DSCAM: variants seen among roughly 807,000 people sequenced by gnomAD.
DSCAM encodes cell adhesion molecule DSCAM.
In DSCAM, 47 loss-of-function variants were observed where a neutral mutation model predicts 217.7. The observed-to-expected ratio is 0.22, with a 90% CI of 0.17 to 0.28. The LOEUF is 0.28. Among genes scored for constraint, DSCAM ranks in the 10% least tolerant of loss-of-function variants. The pLI is 1.00. For missense variants in DSCAM, 2,080 were observed against 2,618.3 expected (o/e 0.79, Z 4.49); for synonymous variants, 1,056 against 1,015.3 (o/e 1.04, Z -0.76).
At chr21:40,095,196 G>T (rs11701562) in intron 20 of DSCAM, among the ~76,000 whole-genome samples, 74,515 of 152,006 alleles carry the variant, frequency 0.49, 19,121 homozygotes, top group African/African-American at 0.65. Context: ...TTATATCTCA[G>T]GAGACTTATT....
At chr21:40,634,624 A>G (rs893260903) in intron 3 of DSCAM, among the ~76,000 whole-genome samples, 2 of 152,238 alleles carry the variant, frequency 1.3e-5, no homozygotes, top group Non-Finnish European at 2.9e-5. Context: ...CAAATAAGCT[A>G]TCAGTAAAAC....
chr21:40,240,932 C>T (rs1334483350), intron 11 of DSCAM, among the ~76,000 whole-genome samples: 3 of 152,128 alleles, frequency 2.0e-5, no homozygotes, highest in Non-Finnish European at 4.4e-5. Context: ...ACTGGCTAAC[C>T]GTACGCAGAA....
intron 2 of DSCAM, among the ~76,000 whole-genome samples, chr21:40,706,050 G>A (rs1007768136): frequency 2.6e-5 from 4 of 151,922 alleles, no homozygotes; most frequent in Admixed American, 1.3e-4. Context: ...GTGTGGTGGC[G>A]GGTGCCTGTA....
chr21:40,550,623 C>T (rs531841193), intron 3 of DSCAM, among the ~76,000 whole-genome samples: 1 of 152,178 alleles, frequency 6.6e-6, no homozygotes, highest in Non-Finnish European at 1.5e-5. Flanking sequence ...CAAGGTATTC[C>T]GAACAAACAC....
Position 40,068,388 on chromosome 21 carries a change from AG to A in DSCAM, c.4889-5490del, listed in dbSNP as rs769516911. 3.9e-5 allele frequency among the ~76,000 whole-genome samples: 6 copies of A among 152,264 alleles called. No homozygotes were observed. The South Asian group carries it at 8.3e-4, about 21-fold the overall frequency. ...TGGAGAAAAGAATCAGAGAGACAGT[AG>A]GATGAAGATATGCAAGCTAGAAGGA... On this transcript the variant is annotated intron_variant, in intron 27 of 32. Transcript: ENST00000400454.
chr21:40,381,062 C>CAAAAAAAAAAAA (rs71186932), intron 3 of DSCAM, among the ~76,000 whole-genome samples: 8 of 66,210 alleles, frequency 1.2e-4, no homozygotes, highest in East Asian at 5.9e-4. Flanking sequence ...GACTCCGTCT[C>CAAAAAAAAAAAA]AAAAAAAAAA....
chr21:40,256,438 GACACAC>G (rs201126514), intron 11 of DSCAM, among the ~76,000 whole-genome samples: 1 of 143,852 alleles, frequency 7.0e-6, no homozygotes, highest in South Asian at 2.1e-4. Flanking sequence ...GAGAGAGAGA[GACACAC>G]ACAGACAGAC....
rs1485979542 is a variant in DSCAM, at chr21:40,080,335, T to G, written c.4237A>C (p.Ile1413Leu). The G allele has an allele frequency of 2.5e-6, 4 of 1,603,136 alleles. No individual in the cohort carries two copies. Among genetic ancestry groups the G allele is most frequent in the African/African-American group, 1.3e-5 (1 of 74,656 alleles). Residue 1413 changes from isoleucine to leucine, a missense_variant, in exon 25 of 33, where the codon ATA becomes CTA. Physicochemically the swap from Ile to Leu is conservative, Grantham distance 5. This residue lies in a region of DSCAM where 1,144 missense variants were observed against 1,421.1 expected (regional missense o/e 0.81). Coordinates refer to ENST00000400454, the MANE Select transcript of DSCAM (RefSeq NM_001389.5). ...DNGGSSIRGY[I>L]LQYSEDNSEQ... is the part of the protein sequence containing the mutation. ...CTATTGTCCTCGGAGTACTGCAGTATGTATCCTGCAGAGAATGAGAAAGAT... is the reference window on the plus strand; with the variant it reads ...CTATTGTCCTCGGAGTACTGCAGTAGGTATCCTGCAGAGAATGAGAAAGAT...
At chr21:40,594,952 G>A (rs960557329) in intron 3 of DSCAM, among the ~76,000 whole-genome samples, 2 of 152,156 alleles carry the variant, frequency 1.3e-5, no homozygotes, top group African/African-American at 4.8e-5. Flanking sequence ...GTAGGTATTG[G>A]GTGAGGTGAG....
chr21:40,129,470 G>A (rs1487725118), intron 19 of DSCAM, among the ~76,000 whole-genome samples: 1 of 152,144 alleles, frequency 6.6e-6, no homozygotes, highest in Admixed American at 6.5e-5. Flanking sequence ...TTGAAGCTGG[G>A]GTCAGGGAGA....
chr21:40,351,574 A>C (rs1178096925), intron 5 of DSCAM, among the ~76,000 whole-genome samples: 2 of 152,198 alleles, frequency 1.3e-5, no homozygotes, highest in Non-Finnish European at 2.9e-5. Flanking sequence ...ACAAGAAGAC[A>C]GTTCTGAATT....
At chr21:40,303,901 C>T (rs1469624401) in intron 9 of DSCAM, among the ~76,000 whole-genome samples, 1 of 152,192 alleles carries the variant, frequency 6.6e-6, no homozygotes, top group Admixed American at 6.5e-5. Flanking sequence ...GAGAAAACGG[C>T]CCTCCTTTGG....
At chr21:40,446,714 G>C (rs2075678002) in intron 3 of DSCAM, among the ~76,000 whole-genome samples, 1 of 152,050 alleles carries the variant, frequency 6.6e-6, no homozygotes, top group Admixed American at 6.5e-5. Flanking sequence ...TCCCCTCAAA[G>C]GAAATAATTC....
At chr21:40,254,297 A>G (rs1449626439) in intron 11 of DSCAM, among the ~76,000 whole-genome samples, 1 of 151,748 alleles carries the variant, frequency 6.6e-6, no homozygotes, top group African/African-American at 2.4e-5. Context: ...CACTCCAGGC[A>G]GGGGGAGGGT....
intron 3 of DSCAM, among the ~76,000 whole-genome samples, chr21:40,607,573 G>T (rs2089257542): frequency 6.8e-6 from 1 of 147,360 alleles, no homozygotes; most frequent in Non-Finnish European, 1.5e-5. Flanking sequence ...CACGTGTCAT[G>T]GGAGGGGCCC....
At chr21:40,616,639 C>G (rs991519635) in intron 3 of DSCAM, among the ~76,000 whole-genome samples, 2 of 152,136 alleles carry the variant, frequency 1.3e-5, no homozygotes, top group Admixed American at 1.3e-4. Context: ...CTTGCTGATG[C>G]CACTGCGTGT....
At chr21:40,333,144 T>A (rs1156621014) in intron 8 of DSCAM, among the ~76,000 whole-genome samples, 1 of 152,144 alleles carries the variant, frequency 6.6e-6, no homozygotes, top group South Asian at 2.1e-4. Flanking sequence ...TGCATTTACA[T>A]GAACAAAATA....
intron 3 of DSCAM, among the ~76,000 whole-genome samples, chr21:40,688,279 A>G (rs1219591338): frequency 1.3e-5 from 2 of 152,208 alleles, no homozygotes; most frequent in Non-Finnish European, 2.9e-5. Context: ...CAATTTTATC[A>G]GAAGAAACAG....
intron 3 of DSCAM, among the ~76,000 whole-genome samples, chr21:40,372,289 T>C (rs542470551): frequency 1.3e-5 from 2 of 152,372 alleles, no homozygotes; most frequent in South Asian, 2.1e-4. Flanking sequence ...TGGATGTGCT[T>C]CTGTTAAAAT....
Sources: allele counts gnomAD v4.1 joint callset (sites outside exome capture counted in the v4.1 genomes callset), GRCh38; gene constraint gnomAD v4.1.1; regional missense constraint gnomAD v4.1.1; transcripts MANE v1.5; gene names NCBI Gene and HGNC (gene_info 2026-07-23, HGNC 2026-07-21).